The following GAS2 variants were observed in gnomAD, a reference collection of about 807,000 sequenced individuals.
GAS2 encodes the protein growth arrest specific 2, also known as growth arrest-specific protein 2.
In GAS2, 20 loss-of-function variants were observed where a neutral mutation model predicts 37.5. The observed-to-expected ratio is 0.53, with a 90% CI of 0.37 to 0.77. The LOEUF (loss-of-function observed/expected upper bound fraction) is 0.77. GAS2 is among the 30% of genes least tolerant of loss of function. GAS2 has a pLI of 0.00. For synonymous variants in GAS2, 144 were observed against 132.2 expected, an observed-to-expected ratio of 1.09 and a Z score of -0.61; for missense variants, 336 against 373.4, an observed-to-expected ratio of 0.90 and a Z score of 0.82.
At chr11:22,757,034 A>G (rs915159735) in intron 7 of GAS2, among the ~76,000 whole-genome samples, 1 of 152,132 alleles carries the variant, frequency 6.6e-6, no homozygotes, top group Non-Finnish European at 1.5e-5. Context: ...CTCAATTGAT[A>G]ATCAGTCTCC....
chr11:22,812,536 A>C lies in GAS2; in HGVS notation c.*520A>C, dbSNP rs1857234427. 6.6e-6 allele frequency: 1 copy of C among 151,254 alleles called. No homozygotes were observed. The highest frequency in any genetic ancestry group is 1.5e-5 in the Non-Finnish European group (1 of 68,136). The allele number at this position is 151,254 out of a possible 1,614,324, so 9.4% of individuals were successfully genotyped here. A position where few individuals can be genotyped will look rare whatever the true frequency, so the allele number is the denominator to read the frequency against. Reference sequence around the variant, plus strand: ...AGAGTATTCACAATAGTAATATGTTACTGGAAAGGCCACTTCCGAAAAGTT... The same window carrying C: ...AGAGTATTCACAATAGTAATATGTTCCTGGAAAGGCCACTTCCGAAAAGTT... On this transcript the variant is annotated 3_prime_UTR_variant, in exon 8 of 8. Coordinates refer to ENST00000454584, the MANE Select transcript of GAS2 (RefSeq NM_001143830.3).
chr11:22,670,320 G>A (rs1040834234), intron 1 of GAS2, among the ~76,000 whole-genome samples: 2 of 151,454 alleles, frequency 1.3e-5, no homozygotes, highest in Admixed American at 6.6e-5. Context: ...AGATGGGGTG[G>A]TGGTAGTGAT....
intron 3 of GAS2, among the ~76,000 whole-genome samples, chr11:22,724,221 G>A (rs1479894): frequency 0.019 from 2,895 of 151,896 alleles, 101 homozygotes; most frequent in African/African-American, 0.067. Flanking sequence ...ATATCTGTTT[G>A]CAAATTTGTT....
intron 2 of GAS2, among the ~76,000 whole-genome samples, chr11:22,676,464 C>T (rs528424096): frequency 6.6e-6 from 1 of 152,212 alleles, no homozygotes; most frequent in African/African-American, 2.4e-5. Flanking sequence ...AAATAGACTG[C>T]CTGTGTTTGA....
intron 7 of GAS2, among the ~76,000 whole-genome samples, chr11:22,789,274 T>A (rs1457635329): frequency 7.5e-6 from 1 of 133,464 alleles, no homozygotes; most frequent in Non-Finnish European, 1.6e-5. Flanking sequence ...GCAGTATGCC[T>A]AGATTTCATA....
rs755125839 is a variant in GAS2 at position 22,812,060 on chromosome 11, C to G, written c.*44C>G. ...AGGGGACCCTCATAATGGCCTGTAT[C>G]CACTTCTCCAGTATAGTCAGTTTAG... is the stretch of plus-strand genomic sequence containing the variant. On this transcript the variant is annotated 3_prime_UTR_variant, in exon 8 of 8. Transcript: ENST00000454584. The G allele has an allele frequency of 1.4e-5, 19 of 1,373,710 alleles. No individual in the cohort carries two copies. The Admixed American group carries it at 3.0e-4, about 22-fold the overall frequency. The allele number at this position is 1,373,710 out of a possible 1,614,324, so 85.1% of individuals were successfully genotyped here. A position where few individuals can be genotyped will look rare whatever the true frequency, so the allele number is the denominator to read the frequency against.
At chr11:22,767,649 T>C (rs1854764688) in intron 7 of GAS2, among the ~76,000 whole-genome samples, 1 of 152,176 alleles carries the variant, frequency 6.6e-6, no homozygotes, top group Non-Finnish European at 1.5e-5. Flanking sequence ...GAAAAAAACC[T>C]GTGAAATAAC....
intron 4 of GAS2, among the ~76,000 whole-genome samples, chr11:22,733,757 C>T (rs1355310498): frequency 6.6e-6 from 1 of 151,618 alleles, no homozygotes; most frequent in Non-Finnish European, 1.5e-5. Flanking sequence ...AGGTGTTTTA[C>T]ATTATGCTTT....
chr11:22,742,449 G>T lies in GAS2; in HGVS notation c.473+4681G>T, dbSNP rs183375621. ...ATTTGATGACTAAGTTGACTTGCAG[G>T]TGCAAGCCCCCAACCCAAAGGGAAT... On this transcript the variant is annotated intron_variant, in intron 5 of 7. Transcript: ENST00000454584. 4.0e-3 allele frequency among the ~76,000 whole-genome samples: 614 copies of T among 152,198 alleles called. 3 individuals carry two copies. Among genetic ancestry groups the T allele is most frequent in the Non-Finnish European group, 5.9e-3 (400 of 67,964 alleles).
At chr11:22,784,062 T>C (rs1855708462) in intron 7 of GAS2, among the ~76,000 whole-genome samples, 1 of 152,190 alleles carries the variant, frequency 6.6e-6, no homozygotes, top group Non-Finnish European at 1.5e-5. Flanking sequence ...TAGTATAGTT[T>C]GAAGTTGGGT....
chr11:22,655,535 A>G (rs1175961976), intron 1 of GAS2, among the ~76,000 whole-genome samples: 1 of 152,272 alleles, frequency 6.6e-6, no homozygotes, highest in Non-Finnish European at 1.5e-5. Context: ...TTTGAAAAAC[A>G]GAACAAAAAC....
chr11:22,651,079 G>A (rs1848769559), intron 1 of GAS2, among the ~76,000 whole-genome samples: 2 of 152,132 alleles, frequency 1.3e-5, no homozygotes, highest in Admixed American at 1.3e-4. Flanking sequence ...TCCATGTTTA[G>A]CACTTCCTTC....
At chr11:22,678,588 T>A (rs1170569722) in intron 2 of GAS2, among the ~76,000 whole-genome samples, 2 of 127,610 alleles carry the variant, frequency 1.6e-5, no homozygotes, top group African/African-American at 7.0e-5. Context: ...TAGGATTTGC[T>A]GTTGTGCAAA....
At chr11:22,640,177 A>T (rs1312450711) in intron 1 of GAS2, among the ~76,000 whole-genome samples, 5 of 152,182 alleles carry the variant, frequency 3.3e-5, no homozygotes, top group African/African-American at 4.8e-5. Context: ...GTTGCCCACA[A>T]ATCTGTTTTC....
intron 7 of GAS2, among the ~76,000 whole-genome samples, chr11:22,762,513 C>A (rs935476050): frequency 1.3e-5 from 2 of 152,114 alleles, no homozygotes; most frequent in Non-Finnish European, 2.9e-5. Flanking sequence ...CTGTGCATGT[C>A]CATTAAATGC....
upstream of GAS2, among the ~76,000 whole-genome samples, chr11:22,666,139 C>T (rs1848981772): frequency 6.6e-6 from 1 of 152,192 alleles, no homozygotes; most frequent in Admixed American, 6.5e-5. Flanking sequence ...CAGTTGGAGA[C>T]AATTGTCTCT....
chr11:22,635,909 G>C (rs1344022450), intron 1 of GAS2, among the ~76,000 whole-genome samples: 1 of 152,142 alleles, frequency 6.6e-6, no homozygotes, highest in Non-Finnish European at 1.5e-5. Flanking sequence ...GCCTGGGGCA[G>C]GTTCCCCAAT....
At chr11:22,735,490 G>A (rs1852705305) in intron 4 of GAS2, among the ~76,000 whole-genome samples, 1 of 151,680 alleles carries the variant, frequency 6.6e-6, no homozygotes, top group Non-Finnish European at 1.5e-5. Context: ...GAAGAATCAT[G>A]CAGTTTCTTC....
At chr11:22,727,426 C>A (rs1480191129) in intron 4 of GAS2, among the ~76,000 whole-genome samples, 1 of 151,948 alleles carries the variant, frequency 6.6e-6, no homozygotes, top group Non-Finnish European at 1.5e-5. Flanking sequence ...CCCCTAGGCC[C>A]CATTCCCATG....
Sources: gnomAD v4.1 joint callset for allele counts (sites outside exome capture counted in the v4.1 genomes callset) on GRCh38, gnomAD v4.1.1 for gene constraint, MANE v1.5 for transcripts, NCBI Gene and HGNC (gene_info 2026-07-23, HGNC 2026-07-21) for gene names.